The following AKAP7 variants were observed in gnomAD, a reference collection of about 807,000 sequenced individuals.
The protein encoded by AKAP7 is A-kinase anchoring protein 7.
Under a neutral mutation model 39.5 loss-of-function variants are expected in AKAP7, and 39 were observed. That is an observed-to-expected ratio of 0.99 (90% CI 0.76 to 1.29). The LOEUF (loss-of-function observed/expected upper bound fraction) is 1.29. Among genes scored for constraint, AKAP7 ranks in the 50% most tolerant of loss-of-function variants. AKAP7 has a pLI of 0.00. For synonymous variants in AKAP7, 140 were observed against 139.1 expected, an observed-to-expected ratio of 1.01 and a Z score of -0.05; for missense variants, 414 against 407.7, an observed-to-expected ratio of 1.02 and a Z score of -0.13.
chr6:131,197,987 C>T (rs767827143), intron 5 of AKAP7, among the ~76,000 whole-genome samples: 29 of 152,270 alleles, frequency 1.9e-4, no homozygotes, highest in Non-Finnish European at 2.5e-4. Context: ...GAATGAGTTA[C>T]AGCTGTGATG....
chr6:131,217,022 T>C (rs1809247007), intron 6 of AKAP7, among the ~76,000 whole-genome samples: 1 of 152,212 alleles, frequency 6.6e-6, no homozygotes, highest in Non-Finnish European at 1.5e-5. Flanking sequence ...TCTCCTAACA[T>C]TGTATACCTC....
At chr6:131,262,232 A>G (rs1156351189) in intron 7 of AKAP7, among the ~76,000 whole-genome samples, 2 of 152,180 alleles carry the variant, frequency 1.3e-5, no homozygotes, top group Non-Finnish European at 2.9e-5. Flanking sequence ...AGCAAAGGGC[A>G]AGATCCTGTT....
At chr6:131,232,902 TTTA>T (rs1054531210) in intron 7 of AKAP7, among the ~76,000 whole-genome samples, 6 of 150,482 alleles carry the variant, frequency 4.0e-5, no homozygotes, top group African/African-American at 1.2e-4. Context: ...TTTTCTATTA[TTTA>T]TTATTATTAT....
chr6:131,242,218 A>G (rs999619928), intron 7 of AKAP7: 2 of 979,750 alleles, frequency 2.0e-6, no homozygotes, highest in Admixed American at 6.2e-5. Context: ...GCTATGAGTA[A>G]AGGAAGCGCA....
intron 2 of AKAP7, among the ~76,000 whole-genome samples, chr6:131,155,084 T>C (rs975060927): frequency 6.6e-6 from 1 of 152,086 alleles, no homozygotes; most frequent in Non-Finnish European, 1.5e-5. Flanking sequence ...TACAGTGGCA[T>C]GATCATAGCT....
intron 5 of AKAP7, among the ~76,000 whole-genome samples, chr6:131,193,746 A>G (rs1240320684): frequency 6.6e-6 from 1 of 152,024 alleles, no homozygotes; most frequent in Non-Finnish European, 1.5e-5. Context: ...TGGTCTGTTC[A>G]GGTTTTGGAT....
chr6:131,165,264 T>A, intron 4 of AKAP7, 47 bp downstream of exon 4: 1 of 1,423,240 alleles, frequency 7.0e-7, no homozygotes, highest in Non-Finnish European at 9.7e-7. Context: ...ATTATTACTT[T>A]AATATGAGTA....
At chr6:131,210,692 T>G (rs763514664) in intron 6 of AKAP7, among the ~76,000 whole-genome samples, 21 of 152,226 alleles carry the variant, frequency 1.4e-4, no homozygotes, top group Non-Finnish European at 2.4e-4. Context: ...AGCAGAATAT[T>G]TCTTTCACAG....
chr6:131,226,666 T>C (rs577564073), intron 7 of AKAP7, among the ~76,000 whole-genome samples: 1 of 152,346 alleles, frequency 6.6e-6, no homozygotes, highest in East Asian at 1.9e-4. Flanking sequence ...TTTTGTAAGA[T>C]TGATGAGCAA....
intron 7 of AKAP7, among the ~76,000 whole-genome samples, chr6:131,248,167 T>C (rs1271149871): frequency 1.3e-5 from 2 of 152,112 alleles, no homozygotes; most frequent in African/African-American, 4.8e-5. Context: ...CTGAGGTGCA[T>C]ATAAATACAG....
intron 1 of AKAP7, among the ~76,000 whole-genome samples, chr6:131,143,666 C>G (rs1465851433): frequency 6.6e-6 from 1 of 151,494 alleles, no homozygotes; most frequent in Non-Finnish European, 1.5e-5. Flanking sequence ...AATCAAATTG[C>G]AGTAAAAATG....
chr6:131,144,787 C>T (rs1344195347), intron 1 of AKAP7, among the ~76,000 whole-genome samples: 1 of 152,048 alleles, frequency 6.6e-6, no homozygotes. Flanking sequence ...ATATTTAGAA[C>T]CATGTATTTT....
At chr6:131,185,340 G>A in intron 5 of AKAP7, 1 of 521,308 alleles carries the variant, frequency 1.9e-6, no homozygotes, top group South Asian at 1.7e-5. Context: ...TAATTGTTCT[G>A]GGCTACTCCA....
intron 7 of AKAP7, among the ~76,000 whole-genome samples, chr6:131,267,373 G>A (rs1813888940): frequency 6.6e-6 from 1 of 152,150 alleles, no homozygotes; most frequent in Non-Finnish European, 1.5e-5. Flanking sequence ...CATAACATGA[G>A]CAGTTTTCTG....
intron 5 of AKAP7, among the ~76,000 whole-genome samples, chr6:131,174,468 C>T (rs771697500): frequency 2.6e-5 from 4 of 152,186 alleles, no homozygotes; most frequent in African/African-American, 7.2e-5. Context: ...TGGCTTGCGC[C>T]GATAATCCCA....
intron 7 of AKAP7, among the ~76,000 whole-genome samples, chr6:131,275,972 C>G (rs1295257422): frequency 6.6e-6 from 1 of 152,178 alleles, no homozygotes; most frequent in Non-Finnish European, 1.5e-5. Flanking sequence ...CCCTTTGTTT[C>G]TTCTCTCAAG....
At chr6:131,237,653 A>G (rs1459716866) in intron 7 of AKAP7, among the ~76,000 whole-genome samples, 1 of 151,868 alleles carries the variant, frequency 6.6e-6, no homozygotes. Context: ...TGTGTTGAGG[A>G]ATTTATCTGT....
chr6:131,209,768 A>AT (rs1384319677), intron 6 of AKAP7, among the ~76,000 whole-genome samples: 1 of 152,192 alleles, frequency 6.6e-6, no homozygotes, highest in African/African-American at 2.4e-5. Context: ...TCAGCTGGTA[A>AT]TTTTCATTTT....
intron 7 of AKAP7, among the ~76,000 whole-genome samples, chr6:131,235,414 G>A (rs1473914546): frequency 1.3e-5 from 2 of 152,236 alleles, no homozygotes; most frequent in Admixed American, 1.3e-4. Context: ...AATCCTTTGG[G>A]TATATACCCA....
Sources: allele counts gnomAD v4.1 joint callset (sites outside exome capture counted in the v4.1 genomes callset), GRCh38; gene constraint gnomAD v4.1.1; transcripts MANE v1.5; gene names NCBI Gene and HGNC (gene_info 2026-07-23, HGNC 2026-07-21).